The following CRYBB2 variants were observed in gnomAD, a reference collection of about 807,000 sequenced individuals.
The protein encoded by CRYBB2 is beta-crystallin B2.
CRYBB2 carries 12 observed loss-of-function variants against 24.3 expected under a neutral mutation model. That is an observed-to-expected ratio of 0.49 (90% CI 0.32 to 0.80). The LOEUF (loss-of-function observed/expected upper bound fraction) is 0.80, where lower values mean the gene tolerates loss of function less well. CRYBB2 is among the 30% of genes least tolerant of loss of function. The pLI is 0.04. For missense variants in CRYBB2, 198 were observed against 268.5 expected (o/e 0.74, Z 1.83); for synonymous variants, 98 against 101.6 (o/e 0.96, Z 0.21).
At chr22:25,218,235 G>T (rs920582540), upstream of CRYBB2, among the ~76,000 whole-genome samples, 5 of 151,142 alleles carry the variant, frequency 3.3e-5, no homozygotes, top group Non-Finnish European at 7.4e-5. Flanking sequence ...CTCCAGCCTG[G>T]GCGACAGAGC....
chr22:25,228,375 A>G (rs905708772), intron 4 of CRYBB2, among the ~76,000 whole-genome samples: 13 of 148,810 alleles, frequency 8.7e-5, no homozygotes, highest in African/African-American at 3.2e-4. Context: ...AACTCCCGTC[A>G]TTGCTCAATA....
upstream of CRYBB2, among the ~76,000 whole-genome samples, chr22:25,219,253 T>C (rs1031560436): frequency 1.3e-5 from 2 of 152,146 alleles, no homozygotes; most frequent in Non-Finnish European, 2.9e-5. Context: ...GGTAGATGAA[T>C]GAAGCCCAGA....
Position 25,227,837 on chromosome 22 carries a change from T to C in CRYBB2, c.174-16T>C. On this transcript the variant is annotated splice_polypyrimidine_tract_variant and intron_variant, in intron 3 of 5. Transcript: ENST00000398215. ...GTGGAACTGACCTGCCCCCTTTCTCTCTGTCTCCATGGCAGCTGGGTGGGC... is the reference window on the plus strand; with the variant it reads ...GTGGAACTGACCTGCCCCCTTTCTCCCTGTCTCCATGGCAGCTGGGTGGGC... The C allele has an allele frequency of 6.2e-7, 1 of 1,614,018 alleles. No homozygotes were observed. Among genetic ancestry groups the C allele is most frequent in the South Asian group, 1.1e-5 (1 of 91,080 alleles).
chr22:25,216,760 C>T (rs528523943), upstream of CRYBB2, among the ~76,000 whole-genome samples: 2 of 152,272 alleles, frequency 1.3e-5, no homozygotes, highest in East Asian at 1.9e-4. Context: ...AAACTCTGTA[C>T]CCATTAAACA....
At position 25,221,462 on chromosome 22, in the gene CRYBB2, G is replaced by T. The variant is rs575112867; in HGVS notation, c.33G>T (p.Lys11Asn). MASDHQTQAG[K>N]PQSLNPKIII... ...CAGATCACCAGACCCAGGCGGGCAA[G>T]CCACAGTCCCTCAACCCCAAGGTGG... Residue 11 changes from lysine to asparagine, a missense_variant, in exon 2 of 6, where the codon AAG (lysine) becomes AAT (asparagine). Physicochemically the swap from Lys to Asn is moderately conservative, Grantham distance 94 (BLOSUM62 0). Coordinates refer to ENST00000398215, the MANE Select transcript of CRYBB2 (RefSeq NM_000496.3). The T allele has an allele frequency of 6.2e-7, 1 of 1,613,768 alleles. No homozygotes were observed. The highest frequency in any genetic ancestry group is 8.5e-7 in the Non-Finnish European group (1 of 1,179,750).
At chr22:25,226,168 C>CTCTGTGTGTGTG (rs1018293238) in intron 3 of CRYBB2, among the ~76,000 whole-genome samples, 2 of 149,156 alleles carry the variant, frequency 1.3e-5, no homozygotes, top group African/African-American at 2.5e-5. Flanking sequence ...TTGGATTTCT[C>CTCTGTGTGTGTG]TGTGTGTGTG....
chr22:25,215,621 T>A (rs2227247), upstream of CRYBB2, among the ~76,000 whole-genome samples: 3 of 151,832 alleles, frequency 2.0e-5, no homozygotes, highest in African/African-American at 2.4e-5. Flanking sequence ...CCTCATTTCT[T>A]ATGGGGAAAT....
At chr22:25,230,976 T>TGG (rs1184594684) in intron 5 of CRYBB2, among the ~76,000 whole-genome samples, 1 of 151,922 alleles carries the variant, frequency 6.6e-6, no homozygotes, top group Admixed American at 6.6e-5. Flanking sequence ...GTGGTGTGTG[T>TGG]GGGGGAGCCT....
chr22:25,218,086 C>T (rs545392372), upstream of CRYBB2, among the ~76,000 whole-genome samples: 83 of 151,564 alleles, frequency 5.5e-4, 1 homozygote, highest in African/African-American at 1.9e-3. Context: ...AGTGAAACAC[C>T]GTCTCTACTA....
Position 25,231,790 on chromosome 22 carries a change from C to T in CRYBB2, c.*18C>T. 1 of 1,613,342 alleles carries T rather than the reference C, an allele frequency of 6.2e-7. No homozygotes were observed. The highest frequency in any genetic ancestry group is 8.5e-7 in the Non-Finnish European group (1 of 1,179,290). ...CCAACTAGTGCCCTCCCCACCATGC[C>T]TCCTTCCCAGGACCCAGGTCTGCTG... On this transcript the variant is annotated 3_prime_UTR_variant, in exon 6 of 6. Coordinates refer to ENST00000398215, the MANE Select transcript of CRYBB2 (RefSeq NM_000496.3).
At chr22:25,228,943 T>C (rs377649935) in intron 4 of CRYBB2, among the ~76,000 whole-genome samples, 12 of 151,522 alleles carry the variant, frequency 7.9e-5, no homozygotes, top group East Asian at 1.9e-4. Context: ...TGCACGTGTG[T>C]GCGCGCAAGT....
intron 2 of CRYBB2, among the ~76,000 whole-genome samples, chr22:25,223,098 C>A (rs1324361655): frequency 6.6e-6 from 1 of 152,176 alleles, no homozygotes; most frequent in Non-Finnish European, 1.5e-5. Flanking sequence ...GTCCTCTGAG[C>A]TTCTGGGCTT....
At chr22:25,225,119 C>T in intron 3 of CRYBB2, 83 bp downstream of exon 3, 1 of 831,004 alleles carries the variant, frequency 1.2e-6, no homozygotes, top group Non-Finnish European at 2.1e-6. Flanking sequence ...ACCCTTGCTC[C>T]TGTCTGCAAA....
chr22:25,219,803 G>C (rs1275625995), intron 1 of CRYBB2, 137 bp downstream of exon 1: 1 of 152,190 alleles, frequency 6.6e-6, no homozygotes, highest in Non-Finnish European at 1.5e-5. Flanking sequence ...TTCTTTTCTG[G>C]TAACTGGGAA....
At chr22:25,229,090 GGTGTGCATGTGTGTGT>G (rs1569021447) in intron 4 of CRYBB2, among the ~76,000 whole-genome samples, 1 of 145,568 alleles carries the variant, frequency 6.9e-6, no homozygotes, top group Non-Finnish European at 1.5e-5. Flanking sequence ...CACATGTGTG[GGTGTGCATGTGTGTGT>G]GTGTGCATGT....
intron 4 of CRYBB2, 71 bp downstream of exon 4, chr22:25,228,056 A>C (rs1201225284): frequency 1.2e-6 from 2 of 1,608,208 alleles, no homozygotes; most frequent in African/African-American, 2.7e-5. Flanking sequence ...GCCACCTTGG[A>C]GCTGGAGGTC....
At position 25,227,836 on chromosome 22, in the gene CRYBB2, C is replaced by G; in HGVS notation, c.174-17C>G. 6.2e-7 allele frequency: 1 copy of G among 1,614,058 alleles called. No homozygotes were observed. The highest frequency in any genetic ancestry group is 8.5e-7 in the Non-Finnish European group (1 of 1,180,028). Reference sequence around the variant, plus strand: ...AGTGGAACTGACCTGCCCCCTTTCTCTCTGTCTCCATGGCAGCTGGGTGGG... The same window carrying G: ...AGTGGAACTGACCTGCCCCCTTTCTGTCTGTCTCCATGGCAGCTGGGTGGG... On this transcript the variant is annotated splice_polypyrimidine_tract_variant and intron_variant, in intron 3 of 5. Coordinates refer to ENST00000398215, the MANE Select transcript of CRYBB2 (RefSeq NM_000496.3).
Position 25,229,342 on chromosome 22 carries a change from T to G in CRYBB2, c.307-94T>G, listed in dbSNP as rs531868253. On this transcript the variant is annotated intron_variant, in intron 4 of 5. Transcript: ENST00000398215. The stretch of plus-strand genomic sequence containing the variant: ...TGGGAAGAGAGTGATGTGTGGGACA[T>G]GCTGATCCCAACTCTGGGGCATGAG... 8 of 1,517,566 alleles carry G rather than the reference T, an allele frequency of 5.3e-6. No individual in the cohort carries two copies. The African/African-American group carries it at 1.1e-4, about 21-fold the overall frequency. 94.0% of individuals were successfully genotyped at this position (1,517,566 alleles called of 1,614,324 possible). A position where few individuals can be genotyped will look rare whatever the true frequency, so the allele number is the denominator to read the frequency against.
At chr22:25,212,335 G>C (rs1601412316), upstream of CRYBB2, among the ~76,000 whole-genome samples, 1 of 152,232 alleles carries the variant, frequency 6.6e-6, no homozygotes, top group South Asian at 2.1e-4. Context: ...GAGAGTCCAA[G>C]TGAAAGCCCT....
Sources: allele counts gnomAD v4.1 joint callset (sites outside exome capture counted in the v4.1 genomes callset), GRCh38; gene constraint gnomAD v4.1.1; transcripts MANE v1.5; gene names NCBI Gene and HGNC (gene_info 2026-07-23, HGNC 2026-07-21).